Variants in PURG observed in about 807,000 individuals in gnomAD.
PURG encodes the protein purine rich element binding protein G, also known as purine-rich element-binding protein gamma.
PURG carries 3 observed loss-of-function variants against 24.3 expected under a neutral mutation model. The ratio of observed to expected loss-of-function variants is 0.12; its 90% confidence interval spans 0.06 to 0.32. The LOEUF (loss-of-function observed/expected upper bound fraction) is 0.32, where lower values mean the gene tolerates loss of function less well. PURG is among the 10% of genes least tolerant of loss of function. The pLI is 1.00. For synonymous variants in PURG, 180 were observed against 173.1 expected, an observed-to-expected ratio of 1.04 and a Z score of -0.31; for missense variants, 371 against 439.1, an observed-to-expected ratio of 0.84 and a Z score of 1.39.
rs375267177 is a variant in PURG at position 31,032,008 on chromosome 8, G to A, written c.775C>T (p.Leu259Phe). The change falls in exon 2 of 2, where the codon CTT (leucine) becomes TTT (phenylalanine). Residue 259 changes from leucine to phenylalanine, a missense_variant. Around this residue, in one of 5 missense-constraint regions of PURG, gnomAD observed 103 missense variants for 127.7 expected, o/e 0.81. Transcript: ENST00000523392. This position sits in a 1 kb window ranked among gnomAD's most constrained non-coding sequence, Gnocchi z 5.9. ...EERRGGDDDP[L>F]ELPEGTSFRV... ...AAAGAAGTCCCCTCTGGGAGTTCAAGCGGGTCATCGTCTCCACCTCTTCGT... is the reference window on the plus strand; with the variant it reads ...AAAGAAGTCCCCTCTGGGAGTTCAAACGGGTCATCGTCTCCACCTCTTCGT... 3 of 1,614,146 alleles carry A rather than the reference G, an allele frequency of 1.9e-6. No homozygotes were observed. The highest frequency in any genetic ancestry group is 1.7e-5 in the Admixed American group (1 of 60,024).
chr8:31,031,871 G>A lies in PURG; in HGVS notation c.912C>T (p.Phe304=), dbSNP rs1423386769. 5.0e-6 allele frequency: 8 copies of A among 1,612,798 alleles called. No individual in the cohort carries two copies. The highest frequency in any genetic ancestry group is 5.9e-6 in the Non-Finnish European group (7 of 1,179,308). The part of the protein sequence containing the change: ...PPYRNTITVP[F]KAWTRFGENF... ...TCTCCCCAAACCTTGTCCAAGCTTT[G>A]AATGGAACAGTAATAGTATTACGGT... The change falls in exon 2 of 2, where the codon TTC becomes TTT. Residue 304 remains phenylalanine, a synonymous_variant. Transcript: ENST00000523392.
At chr8:31,019,114 A>G (rs1189750791) in intron 1 of PURG, among the ~76,000 whole-genome samples, 1 of 92,642 alleles carries the variant, frequency 1.1e-5, no homozygotes, top group Non-Finnish European at 2.0e-5. Context: ...ACAGAGCGAG[A>G]CTCTGTCTCA....
At position 31,018,720 on chromosome 8, in the gene PURG, T is replaced by C. The variant is rs186122846; in HGVS notation, c.864+13199A>G. 2.2e-3 allele frequency among the ~76,000 whole-genome samples: 341 copies of C among 152,216 alleles called. 1 individual carries two copies. The highest frequency in any genetic ancestry group is 3.5e-3 in the Non-Finnish European group (241 of 68,004). ...TTCTGGAGTGCTAATCATTCAAAGG[T>C]AGTAGCTGTTAAGAGAAGTCAATGA... On this transcript the variant is annotated intron_variant, in intron 1 of 1. Coordinates refer to the PURG transcript ENST00000339382.
In PURG at chr8:31,031,959, T is replaced by C. The variant is rs1811217713; in HGVS notation, c.824A>G (p.Tyr275Cys). 4 of 1,614,182 alleles carry C rather than the reference T, an allele frequency of 2.5e-6. No homozygotes were observed. Among genetic ancestry groups the C allele is most frequent in the African/African-American group, 1.3e-5 (1 of 75,060 alleles). The change falls in exon 2 of 2, where the codon TAC (tyrosine) becomes TGC (cysteine). Residue 275 changes from tyrosine (Y) to cysteine (C), a missense_variant. Tyr to Cys is a radical substitution (Grantham distance 194). Transcript: ENST00000523392. ...TSFRVDNKRFYFDVGSNKYGI... is the reference protein window; with the variant it reads ...TSFRVDNKRFCFDVGSNKYGI... ...ATATTTATTAGAGCCCACATCAAAG[T>C]AGAACCTTTTATTGTCCACTCTGAA...
At chr8:31,026,724 T>C (rs557708844), downstream of PURG, among the ~76,000 whole-genome samples, 4 of 149,684 alleles carry the variant, frequency 2.7e-5, no homozygotes, top group Non-Finnish European at 4.5e-5. Flanking sequence ...ATTGCTAACA[T>C]TGGTTGCTAC....
chr8:31,019,941 CGGGT>C lies in PURG; in HGVS notation c.864+11974_864+11977del, dbSNP rs370705811. The stretch of plus-strand genomic sequence containing the variant: ...ATCCCACCACTTTGGGAGGCCAAGG[CGGGT>C]GGATCACCTGAGGTCAGGAGTTCGA... On this transcript the variant is annotated intron_variant, in intron 1 of 1. Coordinates refer to the PURG transcript ENST00000339382. Among the ~76,000 whole-genome samples the C allele has an allele frequency of 1.9e-3, 280 of 150,416 alleles. 3 individuals carry two copies. Among genetic ancestry groups the C allele is most frequent in the African/African-American group, 6.4e-3 (263 of 41,126 alleles).
At chr8:31,020,096 G>A (rs1418648492) in intron 1 of PURG, among the ~76,000 whole-genome samples, 5 of 152,052 alleles carry the variant, frequency 3.3e-5, no homozygotes, top group Admixed American at 3.3e-4. Context: ...GCTTGAACCT[G>A]GGAGGCAGAG....
chr8:31,005,371 T>G (rs533385589), intron 1 of PURG, among the ~76,000 whole-genome samples: 46 of 151,234 alleles, frequency 3.0e-4, no homozygotes, highest in African/African-American at 1.1e-3. Flanking sequence ...AGGTGGGGGT[T>G]GCAGCGAGCT....
chr8:31,020,842 C>A (rs976637589), intron 1 of PURG, among the ~76,000 whole-genome samples: 21 of 152,118 alleles, frequency 1.4e-4, no homozygotes, highest in Non-Finnish European at 3.1e-4. Flanking sequence ...AAAGTGCGGT[C>A]CCCCTAGATC....
At chr8:31,002,278 A>C (rs1293536856) in intron 1 of PURG, among the ~76,000 whole-genome samples, 1 of 152,196 alleles carries the variant, frequency 6.6e-6, no homozygotes, top group Non-Finnish European at 1.5e-5. Context: ...AGTCTCTTCT[A>C]GCCCTAAAAT....
chr8:31,032,388 T>C lies in PURG; in HGVS notation c.395A>G (p.Lys132Arg), dbSNP rs753140688. 1 of 1,613,696 alleles carries C rather than the reference T, an allele frequency of 6.2e-7. No homozygotes were observed. Among genetic ancestry groups the C allele is most frequent in the East Asian group, 2.2e-5 (1 of 44,850 alleles). The change falls in exon 2 of 2, where the codon AAA becomes AGA. Residue 132 changes from lysine to arginine, a missense_variant. Lys to Arg is a conservative substitution (Grantham distance 26). Around this residue, in one of 5 missense-constraint regions of PURG, gnomAD observed 213 missense variants for 230.6 expected, o/e 0.92. Transcript: ENST00000523392. This position sits in a 1 kb window ranked among gnomAD's most constrained non-coding sequence, Gnocchi z 5.9. ...FIEHYAHLGLKGHRQEHGHSK... is the reference protein window; with the variant it reads ...FIEHYAHLGLRGHRQEHGHSK... Reference sequence around the variant, plus strand: ...GTGGCCATGCTCTTGCCGGTGGCCTTTCAGGCCCAGGTGGGCATAGTGCTC... The same window carrying C: ...GTGGCCATGCTCTTGCCGGTGGCCTCTCAGGCCCAGGTGGGCATAGTGCTC...
downstream of PURG, among the ~76,000 whole-genome samples, chr8:31,026,431 TTAAG>T (rs1811089957): frequency 6.6e-6 from 1 of 151,444 alleles, no homozygotes; most frequent in Non-Finnish European, 1.5e-5. Flanking sequence ...TATTTGCACT[TTAAG>T]TAAATACCAA....
In PURG at chr8:31,033,087, G is replaced by T; in HGVS notation, c.-16C>A. 1 of 215,932 alleles carries T rather than the reference G, an allele frequency of 4.6e-6. No individual in the cohort carries two copies. Among genetic ancestry groups the T allele is most frequent in the Non-Finnish European group, 9.0e-6 (1 of 110,650 alleles). 13.4% of individuals were successfully genotyped at this position (215,932 alleles called of 1,614,324 possible). A position where few individuals can be genotyped will look rare whatever the true frequency, so the allele number is the denominator to read the frequency against. ...GCCGGCGGGCACTCACATCATCTCTGCCATCACCGCCGCCGCCGATGCCCT... is the reference window on the plus strand; with the variant it reads ...GCCGGCGGGCACTCACATCATCTCTTCCATCACCGCCGCCGCCGATGCCCT... On this transcript the variant is annotated 5_prime_UTR_variant, in exon 1 of 2. Transcript: ENST00000523392.
chr8:31,023,105 A>C (rs1284045684), intron 1 of PURG, among the ~76,000 whole-genome samples: 1 of 152,238 alleles, frequency 6.6e-6, no homozygotes, highest in Non-Finnish European at 1.5e-5. Context: ...ACCACTGAAA[A>C]AGAAGCAATC....
chr8:31,032,276 A>T lies in PURG; in HGVS notation c.507T>A (p.Ser169Arg), dbSNP rs760083519. The T allele has an allele frequency of 6.2e-7, 1 of 1,613,780 alleles. No individual in the cohort carries two copies. The highest frequency in any genetic ancestry group is 1.1e-5 in the South Asian group (1 of 91,070). Residue 169 changes from serine (S) to arginine (R), a missense_variant, in exon 2 of 2, where the codon AGT (serine) becomes AGA (arginine). By Grantham distance (110) the Ser-to-Arg change is moderately radical. This residue lies in a region of PURG where 213 missense variants were observed against 230.6 expected (regional missense o/e 0.92). Coordinates refer to ENST00000523392, the MANE Select transcript of PURG (RefSeq NM_001323311.2). The surrounding 1 kb of genome is among the most constrained non-coding windows in gnomAD (Gnocchi z 5.9). ...VSVGSEEHPH[S>R]VLKTDYIERD... ...TCTCGATATAGTCTGTTTTCAGGACACTGTGAGGATGCTCTTCGGACCCCA... is the reference window on the plus strand; with the variant it reads ...TCTCGATATAGTCTGTTTTCAGGACTCTGTGAGGATGCTCTTCGGACCCCA...
intron 1 of PURG, among the ~76,000 whole-genome samples, chr8:31,017,868 G>T (rs1810907328): frequency 6.6e-6 from 1 of 152,152 alleles, no homozygotes; most frequent in Non-Finnish European, 1.5e-5. Context: ...CTTTTAAACA[G>T]AATTTAATGT....
At chr8:31,016,119 C>T (rs1466238358) in intron 1 of PURG, among the ~76,000 whole-genome samples, 1 of 152,118 alleles carries the variant, frequency 6.6e-6, no homozygotes, top group African/African-American at 2.4e-5. Flanking sequence ...GTGGCTCACA[C>T]CTGTAATTCC....
chr8:31,005,542 T>C (rs796229978), intron 1 of PURG, among the ~76,000 whole-genome samples: 1 of 151,760 alleles, frequency 6.6e-6, no homozygotes, highest in African/African-American at 2.4e-5. Context: ...ATCTGATCAG[T>C]GGTTGCTTTT....
intron 1 of PURG, among the ~76,000 whole-genome samples, chr8:31,017,362 G>A (rs117019146): frequency 0.039 from 5,911 of 151,594 alleles, 163 homozygotes; most frequent in South Asian, 0.076. Context: ...ATATGCATGT[G>A]CAATATATGT....
Sources: allele counts gnomAD v4.1 joint callset (sites outside exome capture counted in the v4.1 genomes callset), GRCh38; gene constraint gnomAD v4.1.1; regional missense constraint gnomAD v4.1.1; non-coding constraint Gnocchi (gnomAD v3.1); transcripts MANE v1.5; gene names NCBI Gene and HGNC (gene_info 2026-07-23, HGNC 2026-07-21).